NCAM2: variants seen among roughly 807,000 people sequenced by gnomAD.
The protein encoded by NCAM2 is neural cell adhesion molecule 2.
A neutral mutation model predicts 98.1 loss-of-function variants in NCAM2; 30 were observed. The observed-to-expected ratio is 0.31, with a 90% CI of 0.23 to 0.41. The LOEUF (loss-of-function observed/expected upper bound fraction) is 0.41. NCAM2 is among the 10% of genes least tolerant of loss of function. The pLI is 1.00. For missense variants in NCAM2, 867 were observed against 1,005.8 expected, an observed-to-expected ratio of 0.86 and a Z score of 1.87; for synonymous variants, 368 against 342.4, an observed-to-expected ratio of 1.07 and a Z score of -0.83.
At chr21:21,340,870 A>C (rs2147886963) in intron 8 of NCAM2, among the ~76,000 whole-genome samples, 1 of 151,910 alleles carries the variant, frequency 6.6e-6, no homozygotes, top group South Asian at 2.1e-4. Flanking sequence ...TGTTATTTGA[A>C]CTCTTTTTAA....
At chr21:21,097,351 G>T (rs548080563) in intron 1 of NCAM2, among the ~76,000 whole-genome samples, 14 of 151,822 alleles carry the variant, frequency 9.2e-5, no homozygotes, top group Admixed American at 6.6e-4. Context: ...GTTGAAATGT[G>T]TTATGGGAAG....
At chr21:21,024,646 G>A (rs1000794628) in intron 1 of NCAM2, among the ~76,000 whole-genome samples, 2 of 152,162 alleles carry the variant, frequency 1.3e-5, no homozygotes, top group Non-Finnish European at 2.9e-5. Flanking sequence ...GGAGGCCGAG[G>A]CGGATGATAA....
chr21:21,475,651 A>G (rs1366873610), intron 14 of NCAM2, among the ~76,000 whole-genome samples: 3 of 152,232 alleles, frequency 2.0e-5, no homozygotes, highest in African/African-American at 7.2e-5. Flanking sequence ...TAATACTTTA[A>G]GTAGTACTGG....
Position 21,335,637 on chromosome 21 carries a change from T to C in NCAM2, c.870T>C (p.Asp290=), listed in dbSNP as rs1333298412. 6.2e-7 allele frequency: 1 copy of C among 1,607,836 alleles called. No individual in the cohort carries two copies. The highest frequency in any genetic ancestry group is 8.5e-7 in the Non-Finnish European group (1 of 1,177,588). The part of the protein sequence containing the change: ...VCRATNKAGE[D]EKQAFLQVFV... ...GGGCCACAAATAAGGCAGGAGAAGA[T>C]GAAAAGCAAGCTTTCCTCCAAGTCT... Residue 290 remains aspartate, a synonymous_variant, in exon 7 of 18, where the codon GAT becomes GAC. Transcript: ENST00000400546.
chr21:21,340,634 A>G (rs992472612), intron 8 of NCAM2, among the ~76,000 whole-genome samples: 2 of 152,018 alleles, frequency 1.3e-5, no homozygotes, highest in Admixed American at 1.3e-4. Context: ...TTGTATTTCT[A>G]TTATATTTCT....
chr21:21,171,540 C>G (rs1457208641), intron 1 of NCAM2, among the ~76,000 whole-genome samples: 1 of 152,088 alleles, frequency 6.6e-6, no homozygotes, highest in Non-Finnish European at 1.5e-5. Flanking sequence ...TACCTTGTAG[C>G]AATTTTCTCA....
intron 1 of NCAM2, among the ~76,000 whole-genome samples, chr21:21,083,503 C>T (rs2065850846): frequency 6.6e-6 from 1 of 151,764 alleles, no homozygotes; most frequent in Non-Finnish European, 1.5e-5. Flanking sequence ...TCACTGCAAC[C>T]TCTGCCTCCC....
chr21:21,512,276 A>G (rs75084921), intron 16 of NCAM2, among the ~76,000 whole-genome samples: 4,232 of 152,084 alleles, frequency 0.028, 194 homozygotes, highest in African/African-American at 0.096. Context: ...TGTATATGGC[A>G]AGAGATAGGG....
At chr21:21,025,845 T>G (rs779288658) in intron 1 of NCAM2, among the ~76,000 whole-genome samples, 63 of 152,218 alleles carry the variant, frequency 4.1e-4, no homozygotes, top group Admixed American at 3.9e-4. Context: ...ATTAACTGAT[T>G]GGCAAGTATA....
chr21:21,276,081 A>G (rs2072719046), intron 1 of NCAM2, among the ~76,000 whole-genome samples: 1 of 152,056 alleles, frequency 6.6e-6, no homozygotes, highest in Non-Finnish European at 1.5e-5. Flanking sequence ...TCCTTTTATA[A>G]CAATATCTAT....
intron 16 of NCAM2, among the ~76,000 whole-genome samples, chr21:21,515,697 T>C (rs1988672098): frequency 6.6e-6 from 1 of 152,158 alleles, no homozygotes. Context: ...AAATCCAATA[T>C]ATTATGGACA....
At chr21:21,154,809 A>G (rs2067562014) in intron 1 of NCAM2, among the ~76,000 whole-genome samples, 1 of 151,896 alleles carries the variant, frequency 6.6e-6, no homozygotes, top group East Asian at 1.9e-4. Context: ...AGAATAGGGT[A>G]TAAAAATAGA....
rs1981472122 is a variant in NCAM2 at position 21,452,961 on chromosome 21, A to G, written c.1655-13645A>G. Among the ~76,000 whole-genome samples the G allele has an allele frequency of 2.8e-4, 11 of 39,822 alleles. No homozygotes were observed. The South Asian group carries it at 5.0e-3, about 18-fold the overall frequency. The allele number at this position is 39,822 out of a possible 152,430, so 26.1% of individuals were successfully genotyped here. Reference sequence around the variant, plus strand: ...TAATATAATTTATACTATATATTATATATTATATATTATTATATATTATAT... The same window carrying G: ...TAATATAATTTATACTATATATTATGTATTATATATTATTATATATTATAT... On this transcript the variant is annotated intron_variant, in intron 12 of 17. Coordinates refer to ENST00000400546, the MANE Select transcript of NCAM2 (RefSeq NM_004540.5).
chr21:21,255,467 G>A (rs957631920), intron 1 of NCAM2, among the ~76,000 whole-genome samples: 2 of 152,184 alleles, frequency 1.3e-5, no homozygotes, highest in Non-Finnish European at 2.9e-5. Context: ...ATCCATTGCT[G>A]TCATTATACT....
intron 5 of NCAM2, among the ~76,000 whole-genome samples, chr21:21,305,431 A>G (rs1264574408): frequency 2.0e-5 from 3 of 152,136 alleles, no homozygotes; most frequent in African/African-American, 7.2e-5. Context: ...TACTGGGTAG[A>G]CAGACTCTCC....
At chr21:21,142,802 C>G (rs1231943498) in intron 1 of NCAM2, among the ~76,000 whole-genome samples, 1 of 151,964 alleles carries the variant, frequency 6.6e-6, no homozygotes, top group Non-Finnish European at 1.5e-5. Context: ...TTTATTTTTT[C>G]CCTTATAGTA....
At chr21:21,499,305 G>C (rs970707911) in intron 15 of NCAM2, among the ~76,000 whole-genome samples, 1 of 152,104 alleles carries the variant, frequency 6.6e-6, no homozygotes, top group South Asian at 2.1e-4. Context: ...GCAGTGGCGT[G>C]ATCTCGGCTC....
intron 1 of NCAM2, among the ~76,000 whole-genome samples, chr21:21,254,975 GTGTGTA>G (rs2071614160): frequency 7.6e-6 from 1 of 131,182 alleles, no homozygotes; most frequent in African/African-American, 2.7e-5. Context: ...GTGTGTGTGT[GTGTGTA>G]TAATGTTTAT....
At chr21:21,038,399 C>G (rs532870038) in intron 1 of NCAM2, among the ~76,000 whole-genome samples, 4 of 152,258 alleles carry the variant, frequency 2.6e-5, no homozygotes, top group African/African-American at 9.6e-5. Context: ...TTGGCTGTGT[C>G]CCCACATAAA....
Sources: allele counts gnomAD v4.1 joint callset (sites outside exome capture counted in the v4.1 genomes callset), GRCh38; gene constraint gnomAD v4.1.1; transcripts MANE v1.5; gene names NCBI Gene and HGNC (gene_info 2026-07-23, HGNC 2026-07-21).